The following A1CF variants were observed in gnomAD, a reference collection of about 807,000 sequenced individuals.
A1CF encodes APOBEC1 complementation factor, also known as APOBEC-1 stimulating protein.
A1CF carries 48 observed loss-of-function variants against 68.9 expected under a neutral mutation model. That is an observed-to-expected ratio of 0.70 (90% confidence interval 0.55 to 0.89). The LOEUF (loss-of-function observed/expected upper bound fraction) is 0.89, where lower values mean the gene tolerates loss of function less well. Among genes scored for constraint, A1CF ranks in the 40% least tolerant of loss-of-function variants. The pLI is 0.00. For synonymous variants in A1CF, 272 were observed against 260.4 expected (o/e 1.04, Z -0.43); for missense variants, 653 against 718.9 (o/e 0.91, Z 1.05).
chr10:50,801,242 T>C lies in A1CF; in HGVS notation c.*5487A>G, dbSNP rs904393471. On this transcript the variant is annotated 3_prime_UTR_variant, in exon 13 of 13. Transcript: ENST00000373997. ...ATGGAGATTTCAGAGGAGGAAGTGA[T>C]CCATTCTTCTCTGTTTACTATGACC... 1.3e-5 allele frequency: 2 copies of C among 152,200 alleles called. No homozygotes were observed. 9.4% of individuals were successfully genotyped at this position (152,200 alleles called of 1,614,324 possible).
intron 3 of A1CF, among the ~76,000 whole-genome samples, chr10:50,855,806 G>A (rs1378049687): frequency 6.6e-6 from 1 of 151,952 alleles, no homozygotes; most frequent in Non-Finnish European, 1.5e-5. Context: ...TACAGCAAAA[G>A]TAAATCCTTC....
intron 1 of A1CF, among the ~76,000 whole-genome samples, chr10:50,864,542 G>GT (rs76198695): frequency 0.35 from 53,599 of 151,880 alleles, 10,411 homozygotes; most frequent in Admixed American, 0.45. Flanking sequence ...CAGACACTGT[G>GT]TTTTTATTAG....
intron 6 of A1CF, among the ~76,000 whole-genome samples, chr10:50,829,050 T>C (rs1291936748): frequency 3.3e-5 from 5 of 152,184 alleles, no homozygotes; most frequent in African/African-American, 1.2e-4. Flanking sequence ...GAACACATTT[T>C]ATTGAGTGTC....
intron 11 of A1CF, among the ~76,000 whole-genome samples, chr10:50,810,649 C>T (rs1187924353): frequency 1.3e-5 from 2 of 152,152 alleles, no homozygotes; most frequent in African/African-American, 4.8e-5. Context: ...CTACAGGCGC[C>T]TGCCTGTACC....
intron 7 of A1CF, among the ~76,000 whole-genome samples, chr10:50,827,229 CAG>C (rs1425943062): frequency 6.6e-6 from 1 of 152,138 alleles, no homozygotes; most frequent in Non-Finnish European, 1.5e-5. Context: ...ATCAACGAGA[CAG>C]AAAGTTAACA....
intron 6 of A1CF, among the ~76,000 whole-genome samples, chr10:50,834,760 A>G (rs1839408053): frequency 6.6e-6 from 1 of 152,120 alleles, no homozygotes; most frequent in Non-Finnish European, 1.5e-5. Flanking sequence ...CAGGATGGAG[A>G]AGTCGGAGGG....
intron 4 of A1CF, among the ~76,000 whole-genome samples, chr10:50,843,175 TA>T (rs1384890466): frequency 2.0e-5 from 3 of 152,214 alleles, no homozygotes; most frequent in African/African-American, 7.2e-5. Context: ...CTGGGCTCAT[TA>T]GGAAATAGTT....
At chr10:50,809,333 T>G (rs973050256) in intron 12 of A1CF, among the ~76,000 whole-genome samples, 9 of 152,216 alleles carry the variant, frequency 5.9e-5, no homozygotes, top group Non-Finnish European at 2.9e-5. Flanking sequence ...TTAAAAAATC[T>G]TTTTTGAAAT....
intron 6 of A1CF, among the ~76,000 whole-genome samples, chr10:50,829,933 C>T (rs930535242): frequency 6.6e-6 from 1 of 152,106 alleles, no homozygotes; most frequent in African/African-American, 2.4e-5. Context: ...ATTGATCAAT[C>T]AAAATTGCAT....
intron 1 of A1CF, among the ~76,000 whole-genome samples, chr10:50,881,001 T>A (rs1163204310): frequency 1.3e-5 from 2 of 152,104 alleles, no homozygotes; most frequent in African/African-American, 4.8e-5. Context: ...ACTCTTTTTT[T>A]TTTTTTGAGG....
rs201539561 is a variant in A1CF at position 50,816,202 on chromosome 10, G to T, written c.945C>A (p.Gly315=). The change falls in exon 9 of 13, where the codon GGC becomes GGA. Residue 315 remains glycine (G), a synonymous_variant. Transcript: ENST00000373997. Reference sequence around the variant, plus strand: ...GCAGCATGGTGCCCCTTCCACCTGTGCCTCGGGTATACCTAACATAACTGT... The same window carrying T: ...GCAGCATGGTGCCCCTTCCACCTGTTCCTCGGGTATACCTAACATAACTGT... ...DKDSYVRYTR[G]TGGRGTMLQG... is the part of the protein sequence containing the mutation. 2.9e-5 allele frequency: 47 copies of T among 1,613,664 alleles called. No individual in the cohort carries two copies. The highest frequency in any genetic ancestry group is 3.6e-5 in the Non-Finnish European group (43 of 1,179,856).
At chr10:50,874,521 ATGCACCTG>A (rs1203091949) in intron 1 of A1CF, among the ~76,000 whole-genome samples, 3 of 152,168 alleles carry the variant, frequency 2.0e-5, no homozygotes, top group Admixed American at 1.3e-4. Context: ...GCATTCACCT[ATGCACCTG>A]TGCACATCTT....
intron 7 of A1CF, among the ~76,000 whole-genome samples, chr10:50,827,915 A>C (rs901577330): frequency 1.3e-5 from 2 of 152,188 alleles, no homozygotes; most frequent in African/African-American, 4.8e-5. Flanking sequence ...AAGAAAAGAG[A>C]GAAGAATCAA....
In A1CF at chr10:50,809,939, C is replaced by T. The variant is rs577250735; in HGVS notation, c.1564G>A (p.Asp522Asn). The change falls in exon 12 of 13, where the codon GAT becomes AAT. Residue 522 changes from aspartate (D) to asparagine (N), a missense_variant. Coordinates refer to ENST00000373997, the MANE Select transcript of A1CF (RefSeq NM_014576.4). ...GCAGCAGCAGTAGCCATGGTGCCAT[C>T]GCCTCCATCAGTGGGGATGCCCAGG... ...QTLGIPTDGG[D>N]GTMATAAAAA... The T allele has an allele frequency of 1.5e-5, 25 of 1,614,006 alleles. No homozygotes were observed. The highest frequency in any genetic ancestry group is 5.5e-5 in the South Asian group (5 of 91,084).
chr10:50,839,391 T>C (rs910912479), intron 5 of A1CF, among the ~76,000 whole-genome samples: 1 of 152,228 alleles, frequency 6.6e-6, no homozygotes. Flanking sequence ...CTGGAAATCA[T>C]AAAACTGTAA....
rs770840536 is a variant in A1CF at position 50,800,072 on chromosome 10, G to T, written c.*6657C>A. 2 of 152,058 alleles carry T rather than the reference G, an allele frequency of 1.3e-5. No homozygotes were observed. The highest frequency in any genetic ancestry group is 2.9e-5 in the Non-Finnish European group (2 of 67,950). The allele number at this position is 152,058 out of a possible 1,614,324, so 9.4% of individuals were successfully genotyped here. ...TATATATACTTTATTGCAAAGAAAG[G>T]CATGTCTAAGTCTTGTGATATAGAT... is the stretch of plus-strand genomic sequence containing the variant. On this transcript the variant is annotated 3_prime_UTR_variant, in exon 13 of 13. Transcript: ENST00000373997.
At chr10:50,828,440 T>A (rs1839076193) in intron 6 of A1CF, 145 bp from the exon 7 acceptor site, 1 of 527,746 alleles carries the variant, frequency 1.9e-6, no homozygotes, top group Admixed American at 3.4e-5. Context: ...AGTGTTGATC[T>A]TAAGAGACAT....
intron 5 of A1CF, among the ~76,000 whole-genome samples, chr10:50,840,668 A>C (rs896148964): frequency 1.3e-5 from 2 of 152,172 alleles, no homozygotes; most frequent in Non-Finnish European, 2.9e-5. Context: ...CCATGGTCTT[A>C]ATTGCTATCT....
At chr10:50,841,086 A>G (rs926184614) in intron 5 of A1CF, among the ~76,000 whole-genome samples, 2 of 152,224 alleles carry the variant, frequency 1.3e-5, no homozygotes, top group African/African-American at 4.8e-5. Flanking sequence ...CTCACCTGCT[A>G]TAGTACATTC....
Sources: allele counts gnomAD v4.1 joint callset (sites outside exome capture counted in the v4.1 genomes callset), GRCh38; gene constraint gnomAD v4.1.1; transcripts MANE v1.5; gene names NCBI Gene and HGNC (gene_info 2026-07-23, HGNC 2026-07-21).